GRIK3: variants seen among roughly 807,000 people sequenced by gnomAD.
GRIK3 encodes the protein glutamate receptor ionotropic, kainate 3.
GRIK3 carries 29 observed loss-of-function variants against 102.5 expected under a neutral mutation model. The observed-to-expected ratio is 0.28, with a 90% confidence interval of 0.21 to 0.39. The LOEUF (loss-of-function observed/expected upper bound fraction) is 0.39, where lower values mean the gene tolerates loss of function less well. Among genes scored for constraint, GRIK3 ranks in the 10% least tolerant of loss-of-function variants. GRIK3 has a pLI of 1.00. For synonymous variants in GRIK3, 511 were observed against 504.9 expected (o/e 1.01, Z -0.16); for missense variants, 908 against 1,252.4 (o/e 0.73, Z 4.15).
Position 36,880,806 on chromosome 1 carries a change from A to T in GRIK3, c.378T>A (p.Asn126Lys). ...SCTNAVQSIC[N>K]ALEVPHIQLR... Reference sequence around the variant, plus strand: ...GCTGGATGTGGGGCACCTCCAGGGCATTGCAGATGGACTGGACGGCATTGG... The same window carrying T: ...GCTGGATGTGGGGCACCTCCAGGGCTTTGCAGATGGACTGGACGGCATTGG... Residue 126 changes from asparagine to lysine, a missense_variant, in exon 3 of 16, where the codon AAT (asparagine) becomes AAA (lysine). Around this residue, in one of 3 missense-constraint regions of GRIK3, gnomAD observed 585 missense variants for 824.9 expected, o/e 0.71. Transcript: ENST00000373091. The surrounding 1 kb of genome is among the most constrained non-coding windows in gnomAD (Gnocchi z 5.4). 1 of 1,614,142 alleles carries T rather than the reference A, an allele frequency of 6.2e-7. No individual in the cohort carries two copies. Among genetic ancestry groups the T allele is most frequent in the Non-Finnish European group, 8.5e-7 (1 of 1,179,992 alleles).
intron 10 of GRIK3, among the ~76,000 whole-genome samples, chr1:36,826,747 C>G (rs1005978606): frequency 1.3e-4 from 20 of 150,962 alleles, no homozygotes; most frequent in Non-Finnish European, 2.2e-4. Context: ...GGAGGTGGTG[C>G]GGAGTGGAAA....
Position 36,880,931 on chromosome 1 carries a change from G to C in GRIK3, c.293-40C>G. ...AGGGCAGCACAGGGGTCAGCACTGG[G>C]GCTGTGGGTATGGGGACAGTGATGC... On this transcript the variant is annotated intron_variant, in intron 2 of 15. Coordinates refer to ENST00000373091, the MANE Select transcript of GRIK3 (RefSeq NM_000831.4). This position sits in a 1 kb window ranked among gnomAD's most constrained non-coding sequence, Gnocchi z 5.4. 1 of 1,559,126 alleles carries C rather than the reference G, an allele frequency of 6.4e-7. No individual in the cohort carries two copies. The highest frequency in any genetic ancestry group is 1.9e-5 in the Admixed American group (1 of 52,646).
rs757121044 is a variant in GRIK3, at chr1:36,859,860, A to C, written c.944T>G (p.Leu315Arg). 3.7e-6 allele frequency: 6 copies of C among 1,613,732 alleles called. No individual in the cohort carries two copies. In the African/African-American group the frequency reaches 6.7e-5, roughly 18 times the overall value. ...QAAPRSESGL[L>R]DGVMMTDAAL... ...CCGCCTTACCATCATCACTCCATCC[A>C]GCAGGCCAGACTCGGACCGGGGAGC... Residue 315 changes from leucine to arginine, a missense_variant, in exon 6 of 16, where the codon CTG becomes CGG. Around this residue, in one of 3 missense-constraint regions of GRIK3, gnomAD observed 585 missense variants for 824.9 expected, o/e 0.71. Transcript: ENST00000373091.
chr1:36,983,039 T>C (rs1193416667), intron 1 of GRIK3, among the ~76,000 whole-genome samples: 1 of 152,136 alleles, frequency 6.6e-6, no homozygotes. Flanking sequence ...CTCTTCTTAT[T>C]GCACACACAT....
At chr1:36,958,647 C>CCCG (rs1557441331) in intron 1 of GRIK3, among the ~76,000 whole-genome samples, 21 of 107,628 alleles carry the variant, frequency 2.0e-4, no homozygotes, top group South Asian at 1.0e-3. Flanking sequence ...ACTGTGTGCC[C>CCCG]AATGAGCCTG....
chr1:36,922,971 C>T (rs929203487), intron 1 of GRIK3, among the ~76,000 whole-genome samples: 1 of 152,152 alleles, frequency 6.6e-6, no homozygotes, highest in African/African-American at 2.4e-5. Flanking sequence ...GGAGCCCACA[C>T]CAGGCTGGCC....
At position 36,825,595 on chromosome 1, in the gene GRIK3, T is replaced by A. The variant is rs1235434443; in HGVS notation, c.1754+8A>T. 1 of 1,549,140 alleles carries A rather than the reference T, an allele frequency of 6.5e-7. No homozygotes were observed. The highest frequency in any genetic ancestry group is 1.4e-5 in the African/African-American group (1 of 73,032). On this transcript the variant is annotated splice_region_variant and intron_variant, in intron 11 of 15. Transcript: ENST00000373091. ...TGGGCCCGATGTCTGGCCAAGGAAT[T>A]GCCTTACCTGGCGATGACGAAGAGG...
intron 12 of GRIK3, among the ~76,000 whole-genome samples, chr1:36,817,939 G>C (rs1051998443): frequency 2.6e-5 from 4 of 152,182 alleles, no homozygotes; most frequent in African/African-American, 9.7e-5. Context: ...ACTTTTTGAA[G>C]CTCTTTGCCG....
chr1:36,829,479 A>T (rs377208649), intron 10 of GRIK3, among the ~76,000 whole-genome samples: 38 of 152,106 alleles, frequency 2.5e-4, no homozygotes, highest in African/African-American at 8.9e-4. Context: ...TAATATTTAT[A>T]GCAATCATGT....
chr1:37,027,031 G>A (rs1642771065), intron 1 of GRIK3, among the ~76,000 whole-genome samples: 2 of 152,072 alleles, frequency 1.3e-5, no homozygotes, highest in Admixed American at 1.3e-4. Context: ...TCTAGTGGGG[G>A]AGGCACAATG....
intron 10 of GRIK3, among the ~76,000 whole-genome samples, chr1:36,830,380 G>T (rs895829702): frequency 1.3e-5 from 2 of 150,650 alleles, no homozygotes; most frequent in Non-Finnish European, 3.0e-5. Context: ...CCAATTATGT[G>T]CAAATCCTAA....
chr1:36,885,954 T>C (rs540930681), intron 2 of GRIK3, among the ~76,000 whole-genome samples: 8 of 152,268 alleles, frequency 5.3e-5, no homozygotes, highest in African/African-American at 1.9e-4. Flanking sequence ...GCAAAAATTA[T>C]CCCAATCAAT....
chr1:36,936,321 A>G (rs1440212211), intron 1 of GRIK3, among the ~76,000 whole-genome samples: 2 of 152,260 alleles, frequency 1.3e-5, no homozygotes, highest in Non-Finnish European at 2.9e-5. Context: ...TGGAAGAGTC[A>G]CTAGGAAGAG....
At position 36,869,742 on chromosome 1, in the gene GRIK3, C is replaced by G; in HGVS notation, c.786+6G>C. 6.2e-7 allele frequency: 1 copy of G among 1,603,574 alleles called. No homozygotes were observed. Among genetic ancestry groups the G allele is most frequent in the Non-Finnish European group, 8.5e-7 (1 of 1,170,270 alleles). ...TTTCCCGTGCCAGGACCCAGAGGTA[C>G]ATTACCAGAGTGGTGAAGATGAAGT... On this transcript the variant is annotated splice_donor_region_variant and intron_variant, in intron 5 of 15. Coordinates refer to ENST00000373091, the MANE Select transcript of GRIK3 (RefSeq NM_000831.4).
chr1:36,832,201 G>A lies in GRIK3; in HGVS notation c.1531-6375C>T, dbSNP rs142759264. Reference sequence around the variant, plus strand: ...ACCCCCTCAGACCACGAGCTCAGGAGAGTGAGGCCGGAGCCTGTCACCTTT... The same window carrying A: ...ACCCCCTCAGACCACGAGCTCAGGAAAGTGAGGCCGGAGCCTGTCACCTTT... On this transcript the variant is annotated intron_variant, in intron 10 of 15. Coordinates refer to ENST00000373091, the MANE Select transcript of GRIK3 (RefSeq NM_000831.4). Among the ~76,000 whole-genome samples the A allele has an allele frequency of 7.9e-3, 1,205 of 152,354 alleles. 3 individuals carry two copies. Among genetic ancestry groups the A allele is most frequent in the Non-Finnish European group, 0.014 (931 of 68,034 alleles).
At chr1:36,994,537 G>A (rs574325492) in intron 1 of GRIK3, among the ~76,000 whole-genome samples, 1 of 152,312 alleles carries the variant, frequency 6.6e-6, no homozygotes, top group Non-Finnish European at 1.5e-5. Context: ...GTGGAACACT[G>A]ATAGAGCAGT....
In GRIK3 at chr1:36,819,685, G is replaced by A. The variant is rs569750364; in HGVS notation, c.1873+51C>T. On this transcript the variant is annotated intron_variant, in intron 12 of 15. Coordinates refer to ENST00000373091, the MANE Select transcript of GRIK3 (RefSeq NM_000831.4). The surrounding 1 kb of genome is among the most constrained non-coding windows in gnomAD (Gnocchi z 4.1). ...GCTGATGCCAAAGAGGCTGAAGACC[G>A]CTTGGGGAAAGCAGACCCTGGAAGG... is the stretch of plus-strand genomic sequence containing the variant. 2.7e-5 allele frequency: 26 copies of A among 959,808 alleles called. No individual in the cohort carries two copies. Among genetic ancestry groups the A allele is most frequent in the Non-Finnish European group, 3.6e-5 (21 of 584,056 alleles). The allele number at this position is 959,808 out of a possible 1,614,324, so 59.5% of individuals were successfully genotyped here.
intron 5 of GRIK3, among the ~76,000 whole-genome samples, chr1:36,863,584 T>C (rs1640750777): frequency 1.3e-5 from 2 of 152,190 alleles, no homozygotes; most frequent in South Asian, 2.1e-4. Context: ...AGCACCTTTG[T>C]ATGCCTTCTA....
At chr1:36,856,623 C>T (rs756194646) in intron 7 of GRIK3, among the ~76,000 whole-genome samples, 4 of 152,238 alleles carry the variant, frequency 2.6e-5, no homozygotes, top group Non-Finnish European at 4.4e-5. Flanking sequence ...ACAGGTACCA[C>T]GGGGCTATTC....
Sources: allele counts gnomAD v4.1 joint callset (sites outside exome capture counted in the v4.1 genomes callset), GRCh38; gene constraint gnomAD v4.1.1; regional missense constraint gnomAD v4.1.1; non-coding constraint Gnocchi (gnomAD v3.1); transcripts MANE v1.5; gene names NCBI Gene and HGNC (gene_info 2026-07-23, HGNC 2026-07-21).